CACNG4: variants seen among roughly 807,000 people sequenced by gnomAD.
CACNG4 encodes the protein voltage-dependent calcium channel gamma-4 subunit.
In CACNG4, 8 loss-of-function variants were observed where a neutral mutation model predicts 22.9. That is an observed-to-expected ratio of 0.35 (90% CI 0.21 to 0.63). CACNG4 has a LOEUF of 0.63. Ranked by LOEUF, CACNG4 falls within the 30% of genes least tolerant of loss-of-function variation. CACNG4 has a pLI of 0.72. For missense variants in CACNG4, 357 were observed against 455.4 expected (o/e 0.78, Z 1.97); for synonymous variants, 188 against 191.9 (o/e 0.98, Z 0.17).
At chr17:67,021,200 T>TAAAA (rs35981016) in intron 2 of CACNG4, among the ~76,000 whole-genome samples, 1 of 142,016 alleles carries the variant, frequency 7.0e-6, no homozygotes, top group Non-Finnish European at 1.5e-5. Context: ...GACCCCATCT[T>TAAAA]AAAAAAAAAA....
chr17:67,028,129 G>A (rs2035579222), intron 3 of CACNG4, among the ~76,000 whole-genome samples: 1 of 152,230 alleles, frequency 6.6e-6, no homozygotes, highest in African/African-American at 2.4e-5. Context: ...CCCAGGACTG[G>A]TGTGCTCAGG....
At chr17:66,982,068 G>T (rs957071810) in intron 1 of CACNG4, among the ~76,000 whole-genome samples, 3 of 152,188 alleles carry the variant, frequency 2.0e-5, no homozygotes, top group Non-Finnish European at 1.5e-5. Context: ...ATGAAGCCAT[G>T]GACGTTTGCG....
At chr17:67,002,279 G>T (rs191883761) in intron 1 of CACNG4, among the ~76,000 whole-genome samples, 1 of 152,146 alleles carries the variant, frequency 6.6e-6, no homozygotes, top group Admixed American at 6.5e-5. Context: ...TCACTATCAC[G>T]AGAACAGCAT....
At chr17:66,967,119 G>C (rs567034798) in intron 1 of CACNG4, among the ~76,000 whole-genome samples, 1 of 152,300 alleles carries the variant, frequency 6.6e-6, no homozygotes, top group East Asian at 1.9e-4. Flanking sequence ...AGCAAACCTG[G>C]CTTCCTTTAT....
chr17:67,024,400 G>A (rs944970864), intron 2 of CACNG4, among the ~76,000 whole-genome samples: 1 of 152,206 alleles, frequency 6.6e-6, no homozygotes, highest in Admixed American at 6.5e-5. Context: ...CAGGGCCCAC[G>A]CCCAGACCCA....
intron 1 of CACNG4, among the ~76,000 whole-genome samples, chr17:66,970,390 G>A (rs539227102): frequency 2.0e-4 from 31 of 152,316 alleles, no homozygotes; most frequent in African/African-American, 7.2e-4. Context: ...TAGTTCTGGA[G>A]GCTGGGAAGT....
At chr17:66,975,121 C>T (rs1235789582) in intron 1 of CACNG4, among the ~76,000 whole-genome samples, 1 of 152,176 alleles carries the variant, frequency 6.6e-6, no homozygotes, top group African/African-American at 2.4e-5. Flanking sequence ...CCGCTATCAC[C>T]CCATTTCTGA....
At chr17:66,986,158 G>A (rs2035304718) in intron 1 of CACNG4, among the ~76,000 whole-genome samples, 1 of 152,354 alleles carries the variant, frequency 6.6e-6, no homozygotes, top group South Asian at 2.1e-4. Context: ...CCTCTTATGA[G>A]AGGAGGCCAG....
At chr17:67,013,576 GGGT>G (rs756921724) in intron 1 of CACNG4, among the ~76,000 whole-genome samples, 13 of 151,998 alleles carry the variant, frequency 8.6e-5, no homozygotes, top group Non-Finnish European at 1.9e-4. Flanking sequence ...AGGCCGAGGC[GGGT>G]GGATCACCTG....
Position 67,031,329 on chromosome 17 carries a change from G to A in CACNG4, c.*325G>A, listed in dbSNP as rs1598129894. 1 of 542,724 alleles carries A rather than the reference G, an allele frequency of 1.8e-6. No homozygotes were observed. The highest frequency in any genetic ancestry group is 1.9e-5 in the African/African-American group (1 of 53,406). The allele number at this position is 542,724 out of a possible 1,614,324, so 33.6% of individuals were successfully genotyped here. A position where few individuals can be genotyped will look rare whatever the true frequency, so the allele number is the denominator to read the frequency against. On this transcript the variant is annotated 3_prime_UTR_variant, in exon 4 of 4. Transcript: ENST00000262138. This position sits in a 1 kb window ranked among gnomAD's most constrained non-coding sequence, Gnocchi z 4.0. ...GATCAACTTGGGAAGACAAAATTGA[G>A]CCATTATCTCCTCTTGGAAACGAAT...
At chr17:67,016,320 C>T (rs1351553315) in intron 1 of CACNG4, among the ~76,000 whole-genome samples, 2 of 152,200 alleles carry the variant, frequency 1.3e-5, no homozygotes, top group African/African-American at 4.8e-5. Context: ...GACCCTCCCT[C>T]TGCCTCCCCA....
Position 67,030,393 on chromosome 17 carries a change from C to A in CACNG4, c.446-73C>A. On this transcript the variant is annotated intron_variant, in intron 3 of 3. Transcript: ENST00000262138. This position sits in a 1 kb window ranked among gnomAD's most constrained non-coding sequence, Gnocchi z 6.4. ...GTGTCCACCTGTTCCCTACACTGCCCGTCCCACTGTGGGTCTAACCTCTGC... is the reference window on the plus strand; with the variant it reads ...GTGTCCACCTGTTCCCTACACTGCCAGTCCCACTGTGGGTCTAACCTCTGC... 7.6e-7 allele frequency: 1 copy of A among 1,318,086 alleles called. No individual in the cohort carries two copies. Among genetic ancestry groups the A allele is most frequent in the Non-Finnish European group, 1.1e-6 (1 of 931,462 alleles). The allele number at this position is 1,318,086 out of a possible 1,614,324, so 81.6% of individuals were successfully genotyped here. A position where few individuals can be genotyped will look rare whatever the true frequency, so the allele number is the denominator to read the frequency against.
chr17:66,979,926 T>C (rs1344894480), intron 1 of CACNG4, among the ~76,000 whole-genome samples: 2 of 152,078 alleles, frequency 1.3e-5, no homozygotes, highest in Non-Finnish European at 2.9e-5. Context: ...CAGCTAATTT[T>C]TGTATTTTTA....
chr17:67,005,620 C>T (rs74695188), intron 1 of CACNG4, among the ~76,000 whole-genome samples: 4 of 152,260 alleles, frequency 2.6e-5, no homozygotes, highest in African/African-American at 9.6e-5. Flanking sequence ...CCAGAATGGG[C>T]TGCAGACAGG....
At chr17:67,017,643 G>A (rs771597354) in intron 1 of CACNG4, among the ~76,000 whole-genome samples, 3 of 152,034 alleles carry the variant, frequency 2.0e-5, no homozygotes, top group Non-Finnish European at 4.4e-5. Flanking sequence ...TCAGCCTCCC[G>A]AGTAGCTGGG....
At chr17:66,993,166 G>T (rs926412572) in intron 1 of CACNG4, among the ~76,000 whole-genome samples, 1 of 152,266 alleles carries the variant, frequency 6.6e-6, no homozygotes, top group Non-Finnish European at 1.5e-5. Context: ...ACGGTGGCTC[G>T]TGTGGGCCTG....
intron 1 of CACNG4, among the ~76,000 whole-genome samples, chr17:66,967,753 G>A (rs1267152357): frequency 6.6e-6 from 1 of 152,220 alleles, no homozygotes; most frequent in African/African-American, 2.4e-5. Context: ...AGACTCCGAG[G>A]ATAAAGGCAG....
chr17:67,006,856 G>A (rs1399701749), intron 1 of CACNG4, among the ~76,000 whole-genome samples: 1 of 152,148 alleles, frequency 6.6e-6, no homozygotes, highest in Non-Finnish European at 1.5e-5. Context: ...TGACCACAAG[G>A]CACCTCAATG....
At chr17:66,996,943 A>G (rs534670346) in intron 1 of CACNG4, among the ~76,000 whole-genome samples, 5 of 152,246 alleles carry the variant, frequency 3.3e-5, no homozygotes, top group African/African-American at 1.2e-4. Context: ...CGAGGGCAGG[A>G]CAAAGGGAAC....
Sources: gnomAD v4.1 joint callset for allele counts (sites outside exome capture counted in the v4.1 genomes callset) on GRCh38, gnomAD v4.1.1 for gene constraint, Gnocchi (gnomAD v3.1) non-coding constraint, MANE v1.5 for transcripts, NCBI Gene and HGNC (gene_info 2026-07-23, HGNC 2026-07-21) for gene names.